The following EXOC4 variants were observed in gnomAD, a reference collection of about 807,000 sequenced individuals.
The protein encoded by EXOC4 is exocyst complex component 4.
EXOC4 carries 71 observed loss-of-function variants against 107.2 expected under a neutral mutation model. That is an observed-to-expected ratio of 0.66 (90% CI 0.55 to 0.81). EXOC4 has a LOEUF of 0.81. EXOC4 is among the 30% of genes least tolerant of loss of function. EXOC4 has a pLI of 0.00. For missense variants in EXOC4, 1,108 were observed against 1,189.6 expected (o/e 0.93, Z 1.01); for synonymous variants, 456 against 441.2 (o/e 1.03, Z -0.42).
At chr7:133,601,496 T>G (rs1163597738) in intron 9 of EXOC4, among the ~76,000 whole-genome samples, 2 of 152,212 alleles carry the variant, frequency 1.3e-5, no homozygotes, top group African/African-American at 4.8e-5. Context: ...CCCACCATTA[T>G]ATTCACATTT....
At chr7:133,582,858 A>C (rs1214638478) in intron 9 of EXOC4, among the ~76,000 whole-genome samples, 3 of 152,222 alleles carry the variant, frequency 2.0e-5, no homozygotes, top group Admixed American at 1.3e-4. Flanking sequence ...AGTCTAAAGA[A>C]ATACAAAAGA....
intron 7 of EXOC4, among the ~76,000 whole-genome samples, chr7:133,472,764 T>A (rs1162813641): frequency 6.6e-6 from 1 of 152,064 alleles, no homozygotes; most frequent in Non-Finnish European, 1.5e-5. Flanking sequence ...AGGAAAAGTG[T>A]GTGTTTGCAG....
intron 9 of EXOC4, among the ~76,000 whole-genome samples, chr7:133,490,541 G>A (rs1799352489): frequency 6.6e-6 from 1 of 152,174 alleles, no homozygotes; most frequent in South Asian, 2.1e-4. Context: ...GAAAGTATGA[G>A]AGTATAGGCT....
At chr7:133,782,555 G>A (rs1796489254) in intron 10 of EXOC4, among the ~76,000 whole-genome samples, 1 of 152,192 alleles carries the variant, frequency 6.6e-6, no homozygotes, top group South Asian at 2.1e-4. Context: ...GCTGTCAAAG[G>A]ATAAGTTTCA....
Position 133,847,537 on chromosome 7 carries a change from A to ATT in EXOC4, c.1734+30011_1734+30012dup, listed in dbSNP as rs34297470. 4.7e-3 allele frequency among the ~76,000 whole-genome samples: 601 copies of ATT among 127,162 alleles called. 8 individuals are homozygous for ATT. The highest frequency in any genetic ancestry group is 0.017 in the Middle Eastern group (4 of 240). 83.4% of individuals were successfully genotyped at this position (127,162 alleles called of 152,430 possible). On this transcript the variant is annotated intron_variant, in intron 11 of 17. Transcript: ENST00000253861. The stretch of plus-strand genomic sequence containing the variant: ...ACAGGCCTGTGCCACTACACCAGCT[A>ATT]TTTTTTTTTTTTTTTTTTTGTATTT...
chr7:133,899,417 TGCAAAGCAGACTGATCATTG>T lies in EXOC4; in HGVS notation c.1871+3683_1871+3702del, dbSNP rs1183230653. 4.6e-5 allele frequency among the ~76,000 whole-genome samples: 7 copies of T among 152,378 alleles called. No individual in the cohort carries two copies. The East Asian group carries it at 1.3e-3, about 29-fold the overall frequency. ...TCAAGTGGCTGGAAGCCACTGCATC[TGCAAAGCAGACTGATCATTG>T]TTGAATAGTTTTCATCTGGAAGTTT... On this transcript the variant is annotated intron_variant, in intron 12 of 17. Coordinates refer to ENST00000253861, the MANE Select transcript of EXOC4 (RefSeq NM_021807.4).
chr7:133,651,230 T>G lies in EXOC4; in HGVS notation c.1514+21089T>G, dbSNP rs149458168. 2.1e-3 allele frequency among the ~76,000 whole-genome samples: 320 copies of G among 152,232 alleles called. 3 individuals are homozygous for G. Among genetic ancestry groups the G allele is most frequent in the African/African-American group, 7.2e-3 (300 of 41,548 alleles). On this transcript the variant is annotated intron_variant, in intron 10 of 17. Coordinates refer to ENST00000253861, the MANE Select transcript of EXOC4 (RefSeq NM_021807.4). ...GTAGCGCCTTCTGTTCTTTAGGGTC[T>G]AGGTCAAGGAAGACATCATAGCTAA...
At chr7:133,839,224 A>G (rs751298370) in intron 11 of EXOC4, among the ~76,000 whole-genome samples, 16 of 152,154 alleles carry the variant, frequency 1.1e-4, no homozygotes, top group Non-Finnish European at 1.8e-4. Flanking sequence ...ATACTTGTAT[A>G]TTGCTGTGTG....
intron 7 of EXOC4, chr7:133,447,228 C>G (rs1798240382): frequency 6.6e-6 from 1 of 152,106 alleles, no homozygotes; most frequent in Non-Finnish European, 1.5e-5. Context: ...ATGAAAACAT[C>G]AGTGTTAATC....
rs184932103 is a variant in EXOC4, at chr7:134,039,759, C to G, written c.2688-24532C>G. ...TCATCTTCTCTCATACAGCAGGTCC[C>G]CATTTCTAACTTTGATAGCATTCTC... On this transcript the variant is annotated intron_variant, in intron 17 of 17. Coordinates refer to ENST00000253861, the MANE Select transcript of EXOC4 (RefSeq NM_021807.4). 2.1e-4 allele frequency among the ~76,000 whole-genome samples: 32 copies of G among 152,286 alleles called. No homozygotes were observed. In the East Asian group the frequency reaches 5.6e-3, roughly 27 times the overall value.
rs555593482 is a variant in EXOC4, at chr7:133,772,364, T to C, written c.1515-44961T>C. Among the ~76,000 whole-genome samples, 24 of 152,184 alleles carry C rather than the reference T, an allele frequency of 1.6e-4. 2 individuals carry two copies. In the South Asian group the frequency reaches 4.3e-3, roughly 28 times the overall value. ...TATGCATTAGAACACAAAGAATCTT[T>C]CACACCATTAAATTCAAACTAGCAG... On this transcript the variant is annotated intron_variant, in intron 10 of 17. Coordinates refer to ENST00000253861, the MANE Select transcript of EXOC4 (RefSeq NM_021807.4).
intron 10 of EXOC4, among the ~76,000 whole-genome samples, chr7:133,677,943 T>C (rs1225176977): frequency 1.3e-5 from 2 of 152,220 alleles, no homozygotes; most frequent in African/African-American, 4.8e-5. Context: ...CAGTGTACTG[T>C]TGTTAAAAAG....
chr7:133,948,414 G>A (rs1023546807), intron 14 of EXOC4, among the ~76,000 whole-genome samples: 7 of 152,184 alleles, frequency 4.6e-5, no homozygotes, highest in Non-Finnish European at 8.8e-5. Context: ...AAGATGGAGG[G>A]CTGGCTGAAG....
chr7:133,832,110 A>G (rs1797823748), intron 11 of EXOC4, among the ~76,000 whole-genome samples: 1 of 152,242 alleles, frequency 6.6e-6, no homozygotes, highest in South Asian at 2.1e-4. Context: ...CTTGTGGGAA[A>G]CAACTTTATC....
intron 1 of EXOC4, among the ~76,000 whole-genome samples, chr7:133,267,594 T>C (rs889614009): frequency 6.6e-6 from 1 of 152,138 alleles, no homozygotes; most frequent in African/African-American, 2.4e-5. Context: ...ACCTCCCAGC[T>C]CCCCTCACTA....
the EXOC4 span, among the ~76,000 whole-genome samples, chr7:134,085,046 T>G: frequency 6.6e-6 from 1 of 152,224 alleles, no homozygotes; most frequent in Admixed American, 6.5e-5. Context: ...GTGGTTGAAG[T>G]ATGACTGCTG....
intron 9 of EXOC4, among the ~76,000 whole-genome samples, chr7:133,579,638 C>T (rs796460835): frequency 4.6e-5 from 7 of 152,104 alleles, no homozygotes; most frequent in African/African-American, 1.7e-4. Flanking sequence ...AATAATTCCC[C>T]ATTCTCCCCT....
intron 6 of EXOC4, among the ~76,000 whole-genome samples, chr7:133,372,510 T>C (rs542442706): frequency 1.3e-5 from 2 of 152,184 alleles, no homozygotes; most frequent in Non-Finnish European, 2.9e-5. Flanking sequence ...TAATAGATAC[T>C]GTGAATCTCA....
intron 2 of EXOC4, among the ~76,000 whole-genome samples, chr7:133,285,020 G>A (rs1430589396): frequency 2.0e-5 from 3 of 151,938 alleles, no homozygotes; most frequent in African/African-American, 7.3e-5. Context: ...TATTTTGAAT[G>A]TTATATATTA....
Sources: gnomAD v4.1 joint callset for allele counts (sites outside exome capture counted in the v4.1 genomes callset) on GRCh38, gnomAD v4.1.1 for gene constraint, MANE v1.5 for transcripts, NCBI Gene and HGNC (gene_info 2026-07-23, HGNC 2026-07-21) for gene names.